Variants in TRMT9B observed in about 807,000 individuals in gnomAD.
TRMT9B encodes probable tRNA methyltransferase 9B.
In TRMT9B, 16 loss-of-function variants were observed where a neutral mutation model predicts 11.5. The ratio of observed to expected loss-of-function variants is 1.39; its 90% CI spans 0.94 to 2.11. The LOEUF (loss-of-function observed/expected upper bound fraction) is 2.11, where lower values mean the gene tolerates loss of function less well. Among genes scored for constraint, TRMT9B ranks in the 30% most tolerant of loss-of-function variants. The pLI is 0.00. For missense variants in TRMT9B, 941 were observed against 553.8 expected (o/e 1.70, Z -7.02); for synonymous variants, 274 against 192.4 (o/e 1.42, Z -3.51).
intron 1 of TRMT9B, among the ~76,000 whole-genome samples, chr8:12,987,046 C>A (rs1806437202): frequency 6.6e-6 from 1 of 152,176 alleles, no homozygotes; most frequent in African/African-American, 2.4e-5. Flanking sequence ...TGATCTGACT[C>A]CTGCCCTCTC....
intron 1 of TRMT9B, among the ~76,000 whole-genome samples, chr8:12,967,255 A>G (rs1466622497): frequency 6.6e-6 from 1 of 152,238 alleles, no homozygotes; most frequent in Non-Finnish European, 1.5e-5. Flanking sequence ...AGTGGGTTGA[A>G]CAAAGGCATA....
intron 1 of TRMT9B, 41 bp from the exon 2 acceptor site, chr8:12,990,793 C>A: frequency 2.4e-6 from 3 of 1,243,974 alleles, no homozygotes; most frequent in Non-Finnish European, 2.1e-6. Context: ...CATATACATA[C>A]CATGTGAAAT....
In TRMT9B at chr8:13,015,245, C is replaced by T. The variant is rs995356363; in HGVS notation, c.328+2388C>T. Among the ~76,000 whole-genome samples the T allele has an allele frequency of 6.7e-5, 10 of 149,866 alleles. 1 individual carries two copies. The highest frequency in any genetic ancestry group is 6.3e-4 in the South Asian group (3 of 4,742). On this transcript the variant is annotated intron_variant, in intron 4 of 4. Transcript: ENST00000524591. Reference sequence around the variant, plus strand: ...TTTTTTATTTTTATTTTTTATTTTTCGAAGCAATGTTTTTTTAGATGTCTT... The same window carrying T: ...TTTTTTATTTTTATTTTTTATTTTTTGAAGCAATGTTTTTTTAGATGTCTT...
At position 13,028,619 on chromosome 8, in the gene TRMT9B, A is replaced by G. The variant is rs574487617; in HGVS notation, c.*6575A>G. Reference sequence around the variant, plus strand: ...GAGACAGTGTCTCACTCTGTCACCCAGGCTGGAGGGCAGTAGTGCAGTCTC... The same window carrying G: ...GAGACAGTGTCTCACTCTGTCACCCGGGCTGGAGGGCAGTAGTGCAGTCTC... On this transcript the variant is annotated 3_prime_UTR_variant, in exon 5 of 5. Coordinates refer to ENST00000524591, the MANE Select transcript of TRMT9B (RefSeq NM_020844.3). The G allele has an allele frequency of 1.5e-5, 2 of 130,756 alleles. No homozygotes were observed. Among genetic ancestry groups the G allele is most frequent in the Non-Finnish European group, 3.1e-5 (2 of 64,726 alleles). 8.1% of individuals were successfully genotyped at this position (130,756 alleles called of 1,614,324 possible). A position where few individuals can be genotyped will look rare whatever the true frequency, so the allele number is the denominator to read the frequency against.
rs1292473090 is a variant in TRMT9B at position 13,023,667 on chromosome 8, T to A, written c.*1623T>A. 6.0e-6 allele frequency: 1 copy of A among 167,102 alleles called. No homozygotes were observed. The highest frequency in any genetic ancestry group is 2.1e-4 in the South Asian group (1 of 4,836). The allele number at this position is 167,102 out of a possible 1,614,324, so 10.4% of individuals were successfully genotyped here. A position where few individuals can be genotyped will look rare whatever the true frequency, so the allele number is the denominator to read the frequency against. On this transcript the variant is annotated 3_prime_UTR_variant, in exon 5 of 5. Transcript: ENST00000524591. ...AGAAAATTGACATCTGACAAGAGTC[T>A]TTTTACTTTATGCTGGATGAAAATC...
Position 13,028,161 on chromosome 8 carries a change from A to G in TRMT9B, c.*6117A>G, listed in dbSNP as rs556231771. ...GTGTGAATCATTTCAGTTACATCAC[A>G]TACTCTGTCCTCTTGTGGTGCGGGT... On this transcript the variant is annotated 3_prime_UTR_variant, in exon 5 of 5. Coordinates refer to ENST00000524591, the MANE Select transcript of TRMT9B (RefSeq NM_020844.3). 16 of 167,214 alleles carry G rather than the reference A, an allele frequency of 9.6e-5. No individual in the cohort carries two copies. The highest frequency in any genetic ancestry group is 2.0e-4 in the Admixed American group (3 of 15,306). The allele number at this position is 167,214 out of a possible 1,614,324, so 10.4% of individuals were successfully genotyped here. A position where few individuals can be genotyped will look rare whatever the true frequency, so the allele number is the denominator to read the frequency against.
At position 13,026,091 on chromosome 8, in the gene TRMT9B, A is replaced by T. The variant is rs957876377; in HGVS notation, c.*4047A>T. 1 of 167,054 alleles carries T rather than the reference A, an allele frequency of 6.0e-6. No individual in the cohort carries two copies. Among genetic ancestry groups the T allele is most frequent in the African/African-American group, 2.4e-5 (1 of 41,436 alleles). 10.3% of individuals were successfully genotyped at this position (167,054 alleles called of 1,614,324 possible). ...ACTTGGTGGGGGAGGGCACAGGTTA[A>T]ATATGAGCTGTGAGCCCCCAGTTTT... On this transcript the variant is annotated 3_prime_UTR_variant, in exon 5 of 5. Coordinates refer to ENST00000524591, the MANE Select transcript of TRMT9B (RefSeq NM_020844.3).
At chr8:13,020,079 A>G (rs1289108707) in intron 4 of TRMT9B, among the ~76,000 whole-genome samples, 3 of 152,208 alleles carry the variant, frequency 2.0e-5, no homozygotes, top group African/African-American at 7.2e-5. Context: ...TACAAAGATT[A>G]GTTTGCCTAA....
chr8:12,966,018 G>GA (rs537848050), intron 1 of TRMT9B, among the ~76,000 whole-genome samples: 229 of 129,324 alleles, frequency 1.8e-3, no homozygotes, highest in South Asian at 4.0e-3. Flanking sequence ...GTCTCAAAAA[G>GA]AAAAAAAAAA....
intron 1 of TRMT9B, among the ~76,000 whole-genome samples, chr8:12,953,094 C>G (rs1486476971): frequency 1.3e-5 from 2 of 152,080 alleles, no homozygotes; most frequent in Non-Finnish European, 2.9e-5. Flanking sequence ...CCACAATGCT[C>G]TATGTAGAAA....
intron 2 of TRMT9B, among the ~76,000 whole-genome samples, chr8:12,999,127 C>T (rs1230180861): frequency 5.9e-5 from 9 of 151,844 alleles, no homozygotes; most frequent in Admixed American, 1.3e-4. Context: ...GGTGAAACCC[C>T]GTCTCTAGTA....
intron 1 of TRMT9B, among the ~76,000 whole-genome samples, chr8:12,949,492 T>C (rs1800433761): frequency 6.6e-6 from 1 of 152,208 alleles, no homozygotes; most frequent in South Asian, 2.1e-4. Flanking sequence ...TACATTTTTC[T>C]TTCCTTTCCC....
At chr8:13,004,532 C>T (rs1222335949) in intron 2 of TRMT9B, among the ~76,000 whole-genome samples, 1 of 151,936 alleles carries the variant, frequency 6.6e-6, no homozygotes, top group African/African-American at 2.4e-5. Flanking sequence ...TCAGGCCCTA[C>T]CCCCCAGATG....
intron 4 of TRMT9B, among the ~76,000 whole-genome samples, chr8:13,014,808 A>G (rs1260720375): frequency 6.6e-6 from 1 of 152,140 alleles, no homozygotes; most frequent in African/African-American, 2.4e-5. Context: ...CAGGCCTGTA[A>G]TCCTAGCACT....
intron 1 of TRMT9B, among the ~76,000 whole-genome samples, chr8:12,974,320 T>TG (rs1395626321): frequency 1.3e-5 from 2 of 152,024 alleles, no homozygotes; most frequent in African/African-American, 4.8e-5. Context: ...GCAAGCTTCT[T>TG]GATAGCAGCA....
chr8:13,019,220 G>A (rs558301851), intron 4 of TRMT9B, among the ~76,000 whole-genome samples: 5 of 152,124 alleles, frequency 3.3e-5, no homozygotes, highest in African/African-American at 1.2e-4. Context: ...CATAGAAGAC[G>A]CTCTAAAGTG....
chr8:12,972,296 G>A (rs11203991), intron 1 of TRMT9B, among the ~76,000 whole-genome samples: 16,894 of 152,196 alleles, frequency 0.11, 935 homozygotes, highest in African/African-American at 0.12. Flanking sequence ...CTCCCGTGGA[G>A]GCGGGGCTGG....
chr8:12,990,904 C>T lies in TRMT9B; in HGVS notation c.-129C>T. On this transcript the variant is annotated 5_prime_UTR_variant, in exon 2 of 5. Transcript: ENST00000524591. Reference sequence around the variant, plus strand: ...AAGGACCGCACTATTTCATTTCACTCCTACAAGTTTTCATTTACGTTACAC... The same window carrying T: ...AAGGACCGCACTATTTCATTTCACTTCTACAAGTTTTCATTTACGTTACAC... The T allele has an allele frequency of 7.8e-7, 1 of 1,289,428 alleles. No homozygotes were observed. The highest frequency in any genetic ancestry group is 1.2e-5 in the South Asian group (1 of 80,992). 79.9% of individuals were successfully genotyped at this position (1,289,428 alleles called of 1,614,324 possible).
intron 1 of TRMT9B, among the ~76,000 whole-genome samples, chr8:12,965,808 T>C (rs1802733002): frequency 6.6e-6 from 1 of 151,946 alleles, no homozygotes; most frequent in African/African-American, 2.4e-5. Flanking sequence ...AGCTCAGTAG[T>C]TCAAGACCAG....
Sources: allele counts gnomAD v4.1 joint callset (sites outside exome capture counted in the v4.1 genomes callset), GRCh38; gene constraint gnomAD v4.1.1; transcripts MANE v1.5; gene names NCBI Gene and HGNC (gene_info 2026-07-23, HGNC 2026-07-21).